The following LYPD5 variants were observed in gnomAD, a reference collection of about 807,000 sequenced individuals.
LYPD5 encodes ly6/PLAUR domain-containing protein 5.
Under a neutral mutation model 19.1 loss-of-function variants are expected in LYPD5, and 21 were observed. The observed-to-expected ratio is 1.10, with a 90% confidence interval of 0.78 to 1.58. The LOEUF (loss-of-function observed/expected upper bound fraction) is 1.58, where lower values mean the gene tolerates loss of function less well. Ranked by LOEUF, LYPD5 falls within the 40% of genes most tolerant of loss-of-function variation. The pLI, the probability that LYPD5 is intolerant of heterozygous loss-of-function variation, is 0.00. For synonymous variants in LYPD5, 128 were observed against 142.7 expected, an observed-to-expected ratio of 0.90 and a Z score of 0.74; for missense variants, 287 against 329.8, an observed-to-expected ratio of 0.87 and a Z score of 1.00.
chr19:43,799,719 C>G lies in LYPD5; in HGVS notation c.180G>C (p.Leu60=). The G allele has an allele frequency of 6.2e-7, 1 of 1,613,660 alleles. No homozygotes were observed. The highest frequency in any genetic ancestry group is 2.2e-5 in the East Asian group (1 of 44,872). ...SCPHECFEAI[L]SLDTGYRAPV... Reference sequence around the variant, plus strand: ...CCCGCTCCTTACCGGTGTCCAGAGACAGGATAGCCTCAAAGCACTCATGAG... The same window carrying G: ...CCCGCTCCTTACCGGTGTCCAGAGAGAGGATAGCCTCAAAGCACTCATGAG... Residue 60 remains leucine (L), a synonymous_variant, in exon 2 of 5, where the codon CTG becomes CTC. Transcript: ENST00000377950.
intron 2 of LYPD5, 187 bp from the exon 3 acceptor site, chr19:43,799,175 G>A: frequency 1.6e-6 from 1 of 622,518 alleles, no homozygotes; most frequent in East Asian, 3.0e-5. Flanking sequence ...TCCTCCCTGT[G>A]CGCCTCTCCC....
At chr19:43,804,927 AGTAT>A (rs1261454857), upstream of LYPD5, among the ~76,000 whole-genome samples, 1 of 152,128 alleles carries the variant, frequency 6.6e-6, no homozygotes, top group African/African-American at 2.4e-5. Context: ...TGAATGCATG[AGTAT>A]GTGAGTGCTG....
intron 1 of LYPD5, among the ~76,000 whole-genome samples, chr19:43,814,804 A>T (rs1196529921): frequency 6.6e-6 from 1 of 152,218 alleles, no homozygotes; most frequent in African/African-American, 2.4e-5. Flanking sequence ...TGTGCCATCT[A>T]GATCTCTTAC....
At chr19:43,810,608 T>C (rs1970314345) in intron 1 of LYPD5, among the ~76,000 whole-genome samples, 1 of 128,560 alleles carries the variant, frequency 7.8e-6, no homozygotes, top group Non-Finnish European at 1.6e-5. Flanking sequence ...TTCTTTCCCT[T>C]CCCTTCCTTT....
chr19:43,801,949 G>A (rs573174798), intron 1 of LYPD5, among the ~76,000 whole-genome samples: 2 of 152,304 alleles, frequency 1.3e-5, no homozygotes, highest in South Asian at 2.1e-4. Flanking sequence ...AGAGTCCTGA[G>A]GGCTCCCTGG....
Position 43,798,913 on chromosome 19 carries a change from G to C in LYPD5, c.269C>G (p.Ala90Gly). ...GPPAGQTQSNADALPPDYSVV... is the reference protein window; with the variant it reads ...GPPAGQTQSNGDALPPDYSVV... ...CGAGTAGTCTGGCGGCAGCGCGTCC[G>C]CGTTCGATTGCGTCTGGCCCGCAGG... Residue 90 changes from alanine (A) to glycine (G), a missense_variant, in exon 3 of 5, where the codon GCG (alanine) becomes GGG (glycine). Transcript: ENST00000377950. The C allele has an allele frequency of 6.3e-7, 1 of 1,598,494 alleles. No homozygotes were observed. Among genetic ancestry groups the C allele is most frequent in the South Asian group, 1.1e-5 (1 of 88,410 alleles).
intron 1 of LYPD5, among the ~76,000 whole-genome samples, chr19:43,810,893 G>A (rs1401703469): frequency 6.6e-6 from 1 of 151,964 alleles, no homozygotes; most frequent in Non-Finnish European, 1.5e-5. Flanking sequence ...GCCTCCCAAA[G>A]GACTGGGATT....
At chr19:43,816,065 TCTATCTATCTATCTAC>T (rs1970372496) in intron 1 of LYPD5, among the ~76,000 whole-genome samples, 1 of 151,586 alleles carries the variant, frequency 6.6e-6, no homozygotes, top group African/African-American at 2.4e-5. Context: ...TATCTATCTA[TCTATCTATCTATCTAC>T]CTATCATGTA....
In LYPD5 at chr19:43,797,456, G is replaced by A. The variant is rs62116990; in HGVS notation, c.*135C>T. On this transcript the variant is annotated 3_prime_UTR_variant, in exon 5 of 5. Coordinates refer to ENST00000377950, the MANE Select transcript of LYPD5 (RefSeq NM_001031749.3). ...TGGCCAGGTTGTGGGGCACAAGGGC[G>A]GGAGAGATGGAAGGCCAGAGGGACA... is the stretch of plus-strand genomic sequence containing the variant. The A allele has an allele frequency of 0.39, 296,922 of 755,752 alleles. 63,134 individuals carry two copies. Among genetic ancestry groups the A allele is most frequent in the South Asian group, 0.57 (33,177 of 57,732 alleles). 46.8% of individuals were successfully genotyped at this position (755,752 alleles called of 1,614,324 possible). A position where few individuals can be genotyped will look rare whatever the true frequency, so the allele number is the denominator to read the frequency against.
At chr19:43,807,272 TTTTC>T (rs1389989633), upstream of LYPD5, among the ~76,000 whole-genome samples, 4 of 150,600 alleles carry the variant, frequency 2.7e-5, no homozygotes, top group African/African-American at 9.8e-5. Context: ...CTTTCTTTTC[TTTTC>T]TTTTCTTTTT....
intron 1 of LYPD5, among the ~76,000 whole-genome samples, chr19:43,820,290 C>G (rs1027420024): frequency 6.6e-6 from 1 of 152,200 alleles, no homozygotes; most frequent in South Asian, 2.1e-4. Flanking sequence ...CCAGCCGTGG[C>G]ACGTGCACTC....
intron 1 of LYPD5, among the ~76,000 whole-genome samples, chr19:43,812,169 G>A (rs1376446593): frequency 1.3e-5 from 2 of 152,152 alleles, no homozygotes; most frequent in African/African-American, 4.8e-5. Context: ...GCAAAAAAGA[G>A]CAACCCCTAA....
At chr19:43,799,984 G>GCAC in intron 1 of LYPD5, 150 bp from the exon 2 acceptor site, 1 of 862,966 alleles carries the variant, frequency 1.2e-6, no homozygotes, top group Non-Finnish European at 1.7e-6. Context: ...TGCTATTGCA[G>GCAC]CTGGTCACAG....
rs971732258 is a variant in LYPD5, at chr19:43,798,915, G to A, written c.267C>T (p.Asn89=). The change falls in exon 3 of 5, where the codon AAC becomes AAT. Residue 89 remains asparagine (N), a synonymous_variant. Coordinates refer to ENST00000377950, the MANE Select transcript of LYPD5 (RefSeq NM_001031749.3). ...TGPPAGQTQS[N]ADALPPDYSV... is the part of the protein sequence containing the mutation. ...AGTAGTCTGGCGGCAGCGCGTCCGC[G>A]TTCGATTGCGTCTGGCCCGCAGGAG... 45 of 1,595,560 alleles carry A rather than the reference G, an allele frequency of 2.8e-5. No homozygotes were observed. Among genetic ancestry groups the A allele is most frequent in the Non-Finnish European group, 3.5e-5 (41 of 1,171,778 alleles).
At chr19:43,805,787 C>A (rs1330922958), upstream of LYPD5, among the ~76,000 whole-genome samples, 5 of 152,192 alleles carry the variant, frequency 3.3e-5, no homozygotes, top group Admixed American at 3.3e-4. Context: ...GGATTACAGG[C>A]GTGAACCACC....
chr19:43,812,297 G>C (rs1970330746), intron 1 of LYPD5, among the ~76,000 whole-genome samples: 1 of 152,052 alleles, frequency 6.6e-6, no homozygotes. Context: ...CTAACAAAAG[G>C]TGTGGATAGA....
At chr19:43,805,949 CAA>C (rs962529730), upstream of LYPD5, among the ~76,000 whole-genome samples, 16 of 152,236 alleles carry the variant, frequency 1.1e-4, no homozygotes, top group Admixed American at 6.5e-4. Flanking sequence ...TTTCATCTTG[CAA>C]AACTGAAACT....
At chr19:43,815,806 C>A in intron 1 of LYPD5, 2 of 366,728 alleles carry the variant, frequency 5.5e-6, no homozygotes, top group South Asian at 2.2e-5. Flanking sequence ...GGCGCGATCT[C>A]AGCTCACTGC....
At chr19:43,809,726 T>C (rs1393280673) in intron 1 of LYPD5, among the ~76,000 whole-genome samples, 2 of 152,206 alleles carry the variant, frequency 1.3e-5, no homozygotes, top group Non-Finnish European at 2.9e-5. Context: ...ATTCAACAAT[T>C]CCAGTCTGGT....
Sources: gnomAD v4.1 joint callset for allele counts (sites outside exome capture counted in the v4.1 genomes callset) on GRCh38, gnomAD v4.1.1 for gene constraint, MANE v1.5 for transcripts, NCBI Gene and HGNC (gene_info 2026-07-23, HGNC 2026-07-21) for gene names.